The following MPRIP variants were observed in gnomAD, a reference collection of about 807,000 sequenced individuals.
MPRIP encodes the protein myosin phosphatase Rho interacting protein.
A neutral mutation model predicts 234.9 loss-of-function variants in MPRIP; 59 were observed. The observed-to-expected ratio is 0.25, with a 90% CI of 0.20 to 0.31. MPRIP has a LOEUF of 0.31. Ranked by LOEUF, MPRIP falls within the 10% of genes least tolerant of loss-of-function variation. MPRIP has a pLI of 1.00. For synonymous variants in MPRIP, 1,144 were observed against 1,263.9 expected (o/e 0.91, Z 2.01); for missense variants, 2,436 against 3,071.0 (o/e 0.79, Z 4.89).
At chr17:17,103,293 C>T in intron 3 of MPRIP, among the ~76,000 whole-genome samples, 1 of 152,110 alleles carries the variant, frequency 6.6e-6, no homozygotes, top group South Asian at 2.1e-4. Context: ...AGGCTTGTCA[C>T]CAGGAGCTGG....
intron 23 of MPRIP, among the ~76,000 whole-genome samples, chr17:17,180,346 C>T (rs1263241972): frequency 1.3e-5 from 2 of 152,236 alleles, no homozygotes; most frequent in East Asian, 3.8e-4. Flanking sequence ...GCTCCTGCCT[C>T]GAGGCCAGGT....
Position 17,180,018 on chromosome 17 carries a change from A to C in MPRIP, c.7136A>C (p.Lys2379Thr), listed in dbSNP as rs2046339190. 1.3e-6 allele frequency: 2 copies of C among 1,595,424 alleles called. No homozygotes were observed. Among genetic ancestry groups the C allele is most frequent in the African/African-American group, 2.7e-5 (2 of 73,532 alleles). The change falls in exon 23 of 24, where the codon AAA (lysine) becomes ACA (threonine). Residue 2379 changes from lysine (K) to threonine (T), a missense_variant. Around this residue, in one of 4 missense-constraint regions of MPRIP, gnomAD observed 1,998 missense variants for 2,520.3 expected, o/e 0.79. Coordinates refer to ENST00000651222, the MANE Select transcript of MPRIP (RefSeq NM_001364716.4). ...TATACCGCAGATATAATGAAATCTA[A>C]AAGCAACCCTGACTTCTTGAAGAAA... is the stretch of plus-strand genomic sequence containing the variant. ...TVSGYDIMKS[K>T]SNPDFLKKDR...
In MPRIP at chr17:17,166,056, C is replaced by T. The variant is rs565060314; in HGVS notation, c.4465C>T (p.Leu1489=). Residue 1489 remains leucine (L), a synonymous_variant, in exon 16 of 24, where the codon CTG becomes TTG. Coordinates refer to ENST00000651222, the MANE Select transcript of MPRIP (RefSeq NM_001364716.4). This position sits in a 1 kb window ranked among gnomAD's most constrained non-coding sequence, Gnocchi z 4.4. The part of the protein sequence containing the change: ...LENCREQLRS[L]PRASQEDEQD... ...AAATTGCCGAGAACAACTGAGATCT[C>T]TGCCTAGGGCCAGCCAGGAGGATGA... is the stretch of plus-strand genomic sequence containing the variant. The T allele has an allele frequency of 4.9e-5, 64 of 1,302,286 alleles. No homozygotes were observed. In the East Asian group the frequency reaches 1.9e-3, roughly 40 times the overall value. 80.7% of individuals were successfully genotyped at this position (1,302,286 alleles called of 1,614,324 possible).
chr17:17,111,346 A>G (rs888599505), intron 3 of MPRIP, among the ~76,000 whole-genome samples: 4 of 151,978 alleles, frequency 2.6e-5, no homozygotes, highest in Non-Finnish European at 4.4e-5. Flanking sequence ...CCCTTGAAGG[A>G]CAGGGAAGAC....
rs74955320 is a variant in MPRIP, at chr17:17,055,049, C to CA, written c.123+12093dup. ...TGGGTAATAGAACGAGACCCTGTAT[C>CA]AAAAAAAAAAAAAAATTTCTTTTTT... On this transcript the variant is annotated intron_variant, in intron 1 of 23. Transcript: ENST00000651222. Among the ~76,000 whole-genome samples the CA allele has an allele frequency of 1.9e-3, 236 of 125,676 alleles. 1 individual carries two copies. Among genetic ancestry groups the CA allele is most frequent in the Admixed American group, 4.4e-3 (54 of 12,390 alleles). The allele number at this position is 125,676 out of a possible 152,430, so 82.4% of individuals were successfully genotyped here. A position where few individuals can be genotyped will look rare whatever the true frequency, so the allele number is the denominator to read the frequency against.
intron 13 of MPRIP, 66 bp downstream of exon 13, chr17:17,154,481 T>C: frequency 1.4e-6 from 2 of 1,395,742 alleles, no homozygotes; most frequent in Admixed American, 3.4e-5. Context: ...GCCAGGGCAG[T>C]GTCAGACTCA....
intron 3 of MPRIP, among the ~76,000 whole-genome samples, chr17:17,116,054 C>T (rs1638884015): frequency 6.6e-6 from 1 of 151,984 alleles, no homozygotes; most frequent in Non-Finnish European, 1.5e-5. Flanking sequence ...ATAAGTAAAT[C>T]AAATATTTAT....
At chr17:17,106,248 T>C (rs1241242155) in intron 3 of MPRIP, among the ~76,000 whole-genome samples, 2 of 152,170 alleles carry the variant, frequency 1.3e-5, no homozygotes, top group Non-Finnish European at 2.9e-5. Context: ...ACTGAATGGG[T>C]GAAAGGCAAC....
chr17:17,056,449 C>G (rs183407452), intron 1 of MPRIP, among the ~76,000 whole-genome samples: 8 of 152,200 alleles, frequency 5.3e-5, no homozygotes, highest in African/African-American at 1.9e-4. Context: ...CAGTGGGGAG[C>G]AGGGGCAGGG....
At chr17:17,055,363 G>GTCTA (rs1019348024) in intron 1 of MPRIP, among the ~76,000 whole-genome samples, 1 of 152,172 alleles carries the variant, frequency 6.6e-6, no homozygotes, top group African/African-American at 2.4e-5. Flanking sequence ...GCCCAAGGAA[G>GTCTA]GTAGAGAGGA....
intron 1 of MPRIP, among the ~76,000 whole-genome samples, chr17:17,051,728 C>T (rs2088547364): frequency 6.6e-6 from 1 of 152,202 alleles, no homozygotes; most frequent in African/African-American, 2.4e-5. Flanking sequence ...GCAAGAGCAC[C>T]TAGGGGGTTG....
rs75378856 is a variant in MPRIP at position 17,186,349 on chromosome 17, C to A, written c.*1455C>A. ...CATCAGTGGAGCTCTGGCCCCGCCC[C>A]CAATGTGCAGAAGGGCCGGGAGCAA... On this transcript the variant is annotated 3_prime_UTR_variant, in exon 24 of 24. Coordinates refer to ENST00000651222, the MANE Select transcript of MPRIP (RefSeq NM_001364716.4). The A allele has an allele frequency of 2.0e-5, 3 of 152,060 alleles. No individual in the cohort carries two copies. The highest frequency in any genetic ancestry group is 1.9e-4 in the East Asian group (1 of 5,196). 9.4% of individuals were successfully genotyped at this position (152,060 alleles called of 1,614,324 possible). A position where few individuals can be genotyped will look rare whatever the true frequency, so the allele number is the denominator to read the frequency against.
At chr17:17,074,476 T>C (rs1454927662) in intron 1 of MPRIP, among the ~76,000 whole-genome samples, 1 of 152,230 alleles carries the variant, frequency 6.6e-6, no homozygotes, top group Non-Finnish European at 1.5e-5. Context: ...TGCAGCTTTT[T>C]AAGTTGAGCT....
intron 3 of MPRIP, among the ~76,000 whole-genome samples, chr17:17,109,492 G>A (rs2090127305): frequency 6.6e-6 from 1 of 152,250 alleles, no homozygotes; most frequent in South Asian, 2.1e-4. Context: ...GCAAGGGAAG[G>A]AGGCTAGACT....
intron 3 of MPRIP, among the ~76,000 whole-genome samples, chr17:17,092,144 A>G (rs536408693): frequency 1.3e-5 from 2 of 152,232 alleles, no homozygotes; most frequent in Non-Finnish European, 1.5e-5. Context: ...CATATTCCCC[A>G]TGGCATCCTC....
chr17:17,112,178 G>C lies in MPRIP; in HGVS notation c.268-14524G>C, dbSNP rs549337864. On this transcript the variant is annotated intron_variant, in intron 3 of 23. Transcript: ENST00000651222. Reference sequence around the variant, plus strand: ...GGGACAGAACATGCCTGTGTGAAAGGCCTGGGTAACGGCGCTTTCTTATCT... The same window carrying C: ...GGGACAGAACATGCCTGTGTGAAAGCCCTGGGTAACGGCGCTTTCTTATCT... Among the ~76,000 whole-genome samples, 4 of 152,258 alleles carry C rather than the reference G, an allele frequency of 2.6e-5. No homozygotes were observed. The South Asian group carries it at 8.3e-4, about 32-fold the overall frequency.
chr17:17,054,614 G>A (rs984249026), intron 1 of MPRIP, among the ~76,000 whole-genome samples: 1 of 152,052 alleles, frequency 6.6e-6, no homozygotes, highest in East Asian at 1.9e-4. Flanking sequence ...GAAAACCCAC[G>A]GAGTCGTGAG....
chr17:17,151,041 T>TATTATTATTATCATC (rs1163474661), intron 12 of MPRIP, among the ~76,000 whole-genome samples: 12 of 149,958 alleles, frequency 8.0e-5, no homozygotes, highest in African/African-American at 3.0e-4. Context: ...TTATTATTAT[T>TATTATTATTATCATC]ATCATTATTT....
intron 7 of MPRIP, among the ~76,000 whole-genome samples, chr17:17,139,169 C>G (rs1000871801): frequency 1.3e-5 from 2 of 152,214 alleles, no homozygotes; most frequent in African/African-American, 4.8e-5. Context: ...CCCTTGTTCT[C>G]CAGAGTTTCC....
Sources: gnomAD v4.1 joint callset for allele counts (sites outside exome capture counted in the v4.1 genomes callset) on GRCh38, gnomAD v4.1.1 for gene constraint, gnomAD v4.1.1 regional missense constraint, Gnocchi (gnomAD v3.1) non-coding constraint, MANE v1.5 for transcripts, NCBI Gene and HGNC (gene_info 2026-07-23, HGNC 2026-07-21) for gene names.